BICD1: variants seen among roughly 807,000 people sequenced by gnomAD.
BICD1 encodes BICD cargo adaptor 1.
Under a neutral mutation model 92.5 loss-of-function variants are expected in BICD1, and 35 were observed. The observed-to-expected ratio is 0.38, with a 90% CI of 0.29 to 0.50. The LOEUF is 0.50. Ranked by LOEUF, BICD1 falls within the 20% of genes least tolerant of loss-of-function variation. The pLI is 0.93. For missense variants in BICD1, 950 were observed against 1,189.8 expected (o/e 0.80, Z 2.97); for synonymous variants, 429 against 465.1 (o/e 0.92, Z 1.00).
intron 2 of BICD1, among the ~76,000 whole-genome samples, chr12:32,250,993 A>G (rs1946508507): frequency 6.6e-6 from 1 of 152,154 alleles, no homozygotes; most frequent in African/African-American, 2.4e-5. Flanking sequence ...GTATCAAAAA[A>G]AAGAAGAAGT....
intron 2 of BICD1, among the ~76,000 whole-genome samples, chr12:32,225,623 T>TTTTG: frequency 3.5e-5 from 2 of 57,622 alleles, no homozygotes; most frequent in Non-Finnish European, 7.5e-5. Flanking sequence ...TTTTTTCTGT[T>TTTTG]TTTTTTTTTT....
chr12:32,238,968 T>C (rs1187701538), intron 2 of BICD1, among the ~76,000 whole-genome samples: 4 of 106,824 alleles, frequency 3.7e-5, no homozygotes, highest in Admixed American at 9.6e-5. Context: ...AAAAAAAGGC[T>C]GGGCGCAGTG....
chr12:32,183,593 A>AT (rs1260266171), intron 1 of BICD1, among the ~76,000 whole-genome samples: 9 of 152,126 alleles, frequency 5.9e-5, no homozygotes, highest in African/African-American at 2.2e-4. Flanking sequence ...AGGAATATTG[A>AT]TTTTCATAGT....
At chr12:32,241,421 T>A (rs1438603503) in intron 2 of BICD1, among the ~76,000 whole-genome samples, 1 of 152,176 alleles carries the variant, frequency 6.6e-6, no homozygotes, top group African/African-American at 2.4e-5. Context: ...GTGGCCTGAA[T>A]CAGAGCAGAA....
At chr12:32,119,430 C>T (rs556316076) in intron 1 of BICD1, among the ~76,000 whole-genome samples, 14 of 152,158 alleles carry the variant, frequency 9.2e-5, no homozygotes, top group Non-Finnish European at 1.8e-4. Context: ...GACCCCACTC[C>T]GGGAGAGTTA....
chr12:32,254,638 T>G (rs573014752), intron 2 of BICD1, among the ~76,000 whole-genome samples: 3 of 152,234 alleles, frequency 2.0e-5, no homozygotes, highest in Non-Finnish European at 4.4e-5. Flanking sequence ...GTGTGGTCAC[T>G]GTCTCATTCA....
chr12:32,265,645 CAA>C (rs1238167881), intron 2 of BICD1, among the ~76,000 whole-genome samples: 2 of 149,146 alleles, frequency 1.3e-5, no homozygotes, highest in East Asian at 3.9e-4. Context: ...CCCTTGAGCC[CAA>C]GAGTTCGCGG....
At chr12:32,153,499 A>T (rs1943348465) in intron 1 of BICD1, among the ~76,000 whole-genome samples, 2 of 152,154 alleles carry the variant, frequency 1.3e-5, no homozygotes, top group Non-Finnish European at 2.9e-5. Context: ...ACCCAAGAAC[A>T]TTAAATCAGT....
intron 4 of BICD1, among the ~76,000 whole-genome samples, chr12:32,315,599 G>A (rs111616900): frequency 0.01 from 1,561 of 152,124 alleles, 28 homozygotes; most frequent in African/African-American, 0.036. Context: ...CCAGAAACAG[G>A]GGCTGTTTAT....
chr12:32,211,415 C>CT (rs1443156252), intron 1 of BICD1, among the ~76,000 whole-genome samples: 3 of 152,084 alleles, frequency 2.0e-5, no homozygotes, highest in African/African-American at 4.8e-5. Flanking sequence ...ATTCTTGATT[C>CT]TTTTTTGAAA....
intron 1 of BICD1, among the ~76,000 whole-genome samples, chr12:32,149,525 G>T (rs1943225217): frequency 6.6e-6 from 1 of 152,176 alleles, no homozygotes. Context: ...GCCAGAAAAT[G>T]ATCTGAAATG....
chr12:32,304,386 TTACTTTTTC>T (rs772899364), intron 3 of BICD1, among the ~76,000 whole-genome samples: 5 of 152,232 alleles, frequency 3.3e-5, no homozygotes, highest in Non-Finnish European at 7.3e-5. Flanking sequence ...TGACTTTATT[TTACTTTTTC>T]TACTTTATTT....
intron 1 of BICD1, among the ~76,000 whole-genome samples, chr12:32,140,944 C>G (rs533400037): frequency 1.3e-5 from 2 of 152,280 alleles, no homozygotes; most frequent in African/African-American, 4.8e-5. Context: ...TACTTGAAAT[C>G]TTCCGTAGAA....
intron 4 of BICD1, among the ~76,000 whole-genome samples, chr12:32,311,022 G>A (rs1478169780): frequency 6.6e-6 from 1 of 152,056 alleles, no homozygotes; most frequent in Non-Finnish European, 1.5e-5. Flanking sequence ...AAATGCCTCT[G>A]TCGACGAAGC....
At chr12:32,306,178 TG>T (rs1310943259) in intron 4 of BICD1, 56 bp downstream of exon 4, 3 of 1,454,742 alleles carry the variant, frequency 2.1e-6, no homozygotes, top group Admixed American at 4.6e-5. Context: ...GCAGGTAGCA[TG>T]TTGTGGGACT....
At chr12:32,336,661 A>T (rs558727049) in intron 6 of BICD1, among the ~76,000 whole-genome samples, 1 of 152,382 alleles carries the variant, frequency 6.6e-6, no homozygotes, top group Non-Finnish European at 1.5e-5. Context: ...AACTTGTTAC[A>T]TTCCTCCAAA....
At chr12:32,377,032 C>G (rs900904432) in intron 9 of BICD1, among the ~76,000 whole-genome samples, 2 of 152,154 alleles carry the variant, frequency 1.3e-5, no homozygotes, top group Admixed American at 1.3e-4. Flanking sequence ...AACTCCAAAG[C>G]CTTGGTCAAC....
At chr12:32,114,985 CA>C (rs1344594919) in intron 1 of BICD1, among the ~76,000 whole-genome samples, 1 of 151,582 alleles carries the variant, frequency 6.6e-6, no homozygotes, top group Non-Finnish European at 1.5e-5. Flanking sequence ...GATGCATTAG[CA>C]TTTTTAATTT....
chr12:32,227,751 G>T, intron 2 of BICD1: 1 of 157,368 alleles, frequency 6.4e-6, no homozygotes. Context: ...AGTACCCGTA[G>T]CCTCCATTGG....
Sources: allele counts gnomAD v4.1 joint callset (sites outside exome capture counted in the v4.1 genomes callset), GRCh38; gene constraint gnomAD v4.1.1; transcripts MANE v1.5; gene names NCBI Gene and HGNC (gene_info 2026-07-23, HGNC 2026-07-21).